Variants in FHOD3 observed in about 807,000 individuals in gnomAD.
FHOD3 encodes the protein FH1/FH2 domain-containing protein 3.
FHOD3 carries 90 observed loss-of-function variants against 173.0 expected under a neutral mutation model. The observed-to-expected ratio is 0.52, with a 90% CI of 0.44 to 0.62. The LOEUF (loss-of-function observed/expected upper bound fraction) is 0.62. Ranked by LOEUF, FHOD3 falls within the 20% of genes least tolerant of loss-of-function variation. FHOD3 has a pLI of 0.00. For missense variants in FHOD3, 1,945 were observed against 2,034.7 expected, an observed-to-expected ratio of 0.96 and a Z score of 0.85; for synonymous variants, 828 against 823.0, an observed-to-expected ratio of 1.01 and a Z score of -0.10.
intron 1 of FHOD3, among the ~76,000 whole-genome samples, chr18:36,316,868 C>T (rs1319022724): frequency 6.6e-6 from 1 of 152,080 alleles, no homozygotes; most frequent in Non-Finnish European, 1.5e-5. Context: ...GCTATCCCTC[C>T]CACAGCCCCC....
At chr18:36,611,121 C>G (rs2032627282) in intron 8 of FHOD3, among the ~76,000 whole-genome samples, 1 of 152,140 alleles carries the variant, frequency 6.6e-6, no homozygotes, top group African/African-American at 2.4e-5. Flanking sequence ...TCAAGTTTTT[C>G]TAAATTTCAT....
At chr18:36,464,312 C>A (rs112483324) in intron 3 of FHOD3, among the ~76,000 whole-genome samples, 1 of 152,300 alleles carries the variant, frequency 6.6e-6, no homozygotes, top group Non-Finnish European at 1.5e-5. Context: ...TCATTAGTAA[C>A]GTTTGAGCAG....
chr18:36,638,733 C>G (rs752969800), intron 10 of FHOD3, among the ~76,000 whole-genome samples: 7 of 152,122 alleles, frequency 4.6e-5, no homozygotes, highest in African/African-American at 1.7e-4. Flanking sequence ...CTTAAGGATG[C>G]GAATCTCTAG....
chr18:36,467,282 T>C (rs953476324), intron 3 of FHOD3, among the ~76,000 whole-genome samples: 1 of 152,166 alleles, frequency 6.6e-6, no homozygotes, highest in African/African-American at 2.4e-5. Flanking sequence ...TGTCAGCCCC[T>C]CCATGGCATA....
At chr18:36,487,449 G>T (rs923743004) in intron 3 of FHOD3, among the ~76,000 whole-genome samples, 1 of 152,206 alleles carries the variant, frequency 6.6e-6, no homozygotes, top group Non-Finnish European at 1.5e-5. Flanking sequence ...TGAGCCTGTT[G>T]CTGGTTGTCC....
rs1296470891 is a variant in FHOD3, at chr18:36,643,371, C to A, written c.1197-5945C>A. ...CAGCCCACTAGATGCCAATAGCATT[C>A]CCTGCCCTCCACCCCTGTTGTGACA... On this transcript the variant is annotated intron_variant, in intron 10 of 28. Transcript: ENST00000590592. Among the ~76,000 whole-genome samples the A allele has an allele frequency of 3.3e-5, 5 of 151,998 alleles. No homozygotes were observed. In the East Asian group the frequency reaches 9.6e-4, roughly 29 times the overall value.
At chr18:36,380,103 G>A (rs184713397) in intron 3 of FHOD3, among the ~76,000 whole-genome samples, 114 of 152,196 alleles carry the variant, frequency 7.5e-4, no homozygotes, top group Non-Finnish European at 1.3e-3. Context: ...ATAATTCAGC[G>A]AAACTGCTAC....
chr18:36,628,437 G>T lies in FHOD3; in HGVS notation c.1196+2688G>T, dbSNP rs534197517. Among the ~76,000 whole-genome samples the T allele has an allele frequency of 3.9e-5, 6 of 152,200 alleles. No individual in the cohort carries two copies. The South Asian group carries it at 8.3e-4, about 21-fold the overall frequency. On this transcript the variant is annotated intron_variant, in intron 10 of 28. Transcript: ENST00000590592. ...CCTTGTAGGTATTTTTTTGTTTGAG[G>T]TAAATACAAAAATTCAAAGACTTGG...
At chr18:36,730,533 A>G in intron 19 of FHOD3, 113 bp from the exon 20 acceptor site, 1 of 1,049,526 alleles carries the variant, frequency 9.5e-7, no homozygotes. Context: ...TCTGAGCTGA[A>G]CTGGGGCCAT....
At chr18:36,434,771 A>G (rs1278699466) in intron 3 of FHOD3, among the ~76,000 whole-genome samples, 1 of 152,058 alleles carries the variant, frequency 6.6e-6, no homozygotes, top group African/African-American at 2.4e-5. Flanking sequence ...GGTCTTGCAA[A>G]TACTTTGTTA....
At position 36,746,965 on chromosome 18, in the gene FHOD3, G is replaced by C; in HGVS notation, c.4062G>C (p.Gln1354His). The change falls in exon 24 of 29, where the codon CAG becomes CAC. Residue 1354 changes from glutamine (Q) to histidine (H), a missense_variant. Gln to His is a conservative substitution (Grantham distance 24, BLOSUM62 0). Transcript: ENST00000590592. Reference protein sequence around the residue: ...RSAKVDFDQLQDNLCQMERRC... With the variant: ...RSAKVDFDQLHDNLCQMERRC... The stretch of plus-strand genomic sequence containing the variant: ...TTCAGGTTGACTTTGATCAACTTCA[G>C]GATAATTTATGTCAGATGGAGAGAA... The C allele has an allele frequency of 1.2e-6, 2 of 1,610,662 alleles. No individual in the cohort carries two copies. Among genetic ancestry groups the C allele is most frequent in the Non-Finnish European group, 1.7e-6 (2 of 1,178,876 alleles).
intron 27 of FHOD3, among the ~76,000 whole-genome samples, chr18:36,763,945 T>C (rs1163084425): frequency 7.2e-5 from 11 of 152,200 alleles, no homozygotes; most frequent in Admixed American, 6.5e-4. Context: ...AACTGTAATT[T>C]CCATAGATAG....
At chr18:36,346,171 G>A (rs184374328) in intron 1 of FHOD3, among the ~76,000 whole-genome samples, 4 of 152,292 alleles carry the variant, frequency 2.6e-5, no homozygotes, top group African/African-American at 9.6e-5. Flanking sequence ...TTCAAGACCA[G>A]CCTGGGCAAC....
intron 3 of FHOD3, among the ~76,000 whole-genome samples, chr18:36,485,599 A>G (rs2054153420): frequency 6.6e-6 from 1 of 152,188 alleles, no homozygotes; most frequent in African/African-American, 2.4e-5. Context: ...TTGTGAGAAG[A>G]GCGCCCTTGG....
chr18:36,539,600 A>T (rs538519300), intron 5 of FHOD3, among the ~76,000 whole-genome samples: 1 of 152,208 alleles, frequency 6.6e-6, no homozygotes, highest in African/African-American at 2.4e-5. Flanking sequence ...GCACCTTTCA[A>T]TGGCAGACCC....
chr18:36,562,486 C>T (rs930609373), intron 5 of FHOD3, among the ~76,000 whole-genome samples: 1 of 152,236 alleles, frequency 6.6e-6, no homozygotes, highest in Middle Eastern at 3.4e-3. Context: ...ATTTTGAAAC[C>T]GTGTCTATCA....
At chr18:36,513,615 G>A (rs1333949255) in intron 5 of FHOD3, among the ~76,000 whole-genome samples, 3 of 152,146 alleles carry the variant, frequency 2.0e-5, no homozygotes, top group Non-Finnish European at 4.4e-5. Flanking sequence ...AATGAGACAA[G>A]CAAACTGACA....
intron 3 of FHOD3, among the ~76,000 whole-genome samples, chr18:36,419,226 T>C (rs2049853755): frequency 6.6e-6 from 1 of 151,756 alleles, no homozygotes; most frequent in South Asian, 2.1e-4. Flanking sequence ...GGTCAGAGGG[T>C]ACTTTGGAAT....
At chr18:36,764,109 A>C (rs998096324) in intron 27 of FHOD3, among the ~76,000 whole-genome samples, 1 of 152,110 alleles carries the variant, frequency 6.6e-6, no homozygotes, top group Non-Finnish European at 1.5e-5. Flanking sequence ...TGCTATATGG[A>C]AGGAAAGGTA....
Sources: allele counts gnomAD v4.1 joint callset (sites outside exome capture counted in the v4.1 genomes callset), GRCh38; gene constraint gnomAD v4.1.1; transcripts MANE v1.5; gene names NCBI Gene and HGNC (gene_info 2026-07-23, HGNC 2026-07-21).